Variants in MSRB2 observed in about 807,000 individuals in gnomAD.
MSRB2 encodes the protein methionine-R-sulfoxide reductase B2, mitochondrial.
MSRB2 carries 17 observed loss-of-function variants against 19.0 expected under a neutral mutation model. The ratio of observed to expected loss-of-function variants is 0.89; its 90% CI spans 0.61 to 1.34. The LOEUF (loss-of-function observed/expected upper bound fraction) is 1.34, where lower values mean the gene tolerates loss of function less well. Among genes scored for constraint, MSRB2 ranks in the 40% most tolerant of loss-of-function variants. The pLI, the probability that MSRB2 is intolerant of heterozygous loss-of-function variation, is 0.00. For missense variants in MSRB2, 208 were observed against 237.6 expected, an observed-to-expected ratio of 0.88 and a Z score of 0.82; for synonymous variants, 107 against 99.7, an observed-to-expected ratio of 1.07 and a Z score of -0.44.
At chr10:23,109,441 G>T (rs1053230922) in intron 2 of MSRB2, among the ~76,000 whole-genome samples, 1 of 151,726 alleles carries the variant, frequency 6.6e-6, no homozygotes, top group African/African-American at 2.4e-5. Context: ...TATTCGGGAG[G>T]CTGAGACAGG....
chr10:23,102,792 C>G (rs1221890417), intron 1 of MSRB2, among the ~76,000 whole-genome samples: 3 of 152,188 alleles, frequency 2.0e-5, no homozygotes, highest in African/African-American at 7.2e-5. Context: ...AAATTCTATA[C>G]TTCCTTCTTC....
At chr10:23,103,797 C>T (rs1839954081) in intron 1 of MSRB2, among the ~76,000 whole-genome samples, 1 of 152,186 alleles carries the variant, frequency 6.6e-6, no homozygotes, top group South Asian at 2.1e-4. Context: ...AGCAACTGCT[C>T]CTCTAAAAGT....
intron 1 of MSRB2, 46 bp from the exon 2 acceptor site, chr10:23,104,098 C>G: frequency 6.7e-7 from 1 of 1,494,648 alleles, no homozygotes; most frequent in Non-Finnish European, 9.2e-7. Flanking sequence ...AAAAGTCCAT[C>G]AGGCATTTTT....
intron 3 of MSRB2, among the ~76,000 whole-genome samples, 156 bp downstream of exon 3, chr10:23,110,474 A>G (rs975302684): frequency 4.6e-5 from 7 of 152,310 alleles, no homozygotes; most frequent in African/African-American, 1.4e-4. Context: ...AAGGAGAGCT[A>G]TTCATATAAG....
At chr10:23,101,379 T>C (rs768363078) in intron 1 of MSRB2, among the ~76,000 whole-genome samples, 6 of 152,256 alleles carry the variant, frequency 3.9e-5, no homozygotes, top group Admixed American at 1.3e-4. Flanking sequence ...ATAGTCTATA[T>C]ATATACCATC....
chr10:23,120,866 T>C lies in MSRB2; in HGVS notation c.*4T>C. ...GTTCAAACCAAGGAAACACTGACCATCTTCAAGAGTCCCGTTCCCTTGCCA... is the reference window on the plus strand; with the variant it reads ...GTTCAAACCAAGGAAACACTGACCACCTTCAAGAGTCCCGTTCCCTTGCCA... On this transcript the variant is annotated 3_prime_UTR_variant, in exon 5 of 5. Transcript: ENST00000376510. 1.2e-6 allele frequency: 2 copies of C among 1,610,296 alleles called. No individual in the cohort carries two copies. Among genetic ancestry groups the C allele is most frequent in the Non-Finnish European group, 1.7e-6 (2 of 1,176,990 alleles).
intron 3 of MSRB2, among the ~76,000 whole-genome samples, chr10:23,117,897 A>G (rs1428584605): frequency 6.6e-6 from 1 of 152,220 alleles, no homozygotes; most frequent in Non-Finnish European, 1.5e-5. Flanking sequence ...GCAAAATTCG[A>G]AACTTTTTGA....
chr10:23,117,017 T>C (rs1224255665), intron 3 of MSRB2, among the ~76,000 whole-genome samples: 2 of 152,232 alleles, frequency 1.3e-5, no homozygotes, highest in African/African-American at 4.8e-5. Context: ...TGTCCCATCA[T>C]GACCGGAAAC....
chr10:23,105,513 C>G (rs1433299972), intron 2 of MSRB2, among the ~76,000 whole-genome samples: 1 of 152,158 alleles, frequency 6.6e-6, no homozygotes, highest in Non-Finnish European at 1.5e-5. Context: ...TTTCCACTCT[C>G]TACCTCCATG....
intron 1 of MSRB2, among the ~76,000 whole-genome samples, chr10:23,101,969 C>A (rs1839930371): frequency 6.6e-6 from 1 of 152,260 alleles, no homozygotes; most frequent in East Asian, 1.9e-4. Context: ...TCTTTCATGA[C>A]CTTTACAGTT....
intron 1 of MSRB2, among the ~76,000 whole-genome samples, chr10:23,101,353 G>A (rs1839924552): frequency 2.0e-5 from 3 of 152,108 alleles, no homozygotes; most frequent in Non-Finnish European, 4.4e-5. Flanking sequence ...TCCTTTTTAT[G>A]GCTGAGTAGT....
intron 1 of MSRB2, among the ~76,000 whole-genome samples, chr10:23,099,286 C>A (rs768061900): frequency 3.9e-5 from 6 of 152,202 alleles, no homozygotes; most frequent in African/African-American, 9.6e-5. Flanking sequence ...CATCATTTTG[C>A]TATCAAAGCA....
In MSRB2 at chr10:23,106,943, T is replaced by C. The variant is rs550381511; in HGVS notation, c.219+2699T>C. ...GACAAGATGGAATGGTGAACTGCCA[T>C]TGGTCCAGCAGACCTTGCAATCCCA... On this transcript the variant is annotated intron_variant, in intron 2 of 4. Transcript: ENST00000376510. 2.0e-5 allele frequency among the ~76,000 whole-genome samples: 3 copies of C among 152,356 alleles called. No homozygotes were observed. In the East Asian group the frequency reaches 5.8e-4, roughly 29 times the overall value.
chr10:23,121,818 T>C lies in MSRB2; in HGVS notation c.*956T>C, dbSNP rs911839050. 14 of 152,164 alleles carry C rather than the reference T, an allele frequency of 9.2e-5. No homozygotes were observed. Among genetic ancestry groups the C allele is most frequent in the Non-Finnish European group, 1.2e-4 (8 of 68,024 alleles). 9.4% of individuals were successfully genotyped at this position (152,164 alleles called of 1,614,324 possible). A position where few individuals can be genotyped will look rare whatever the true frequency, so the allele number is the denominator to read the frequency against. Reference sequence around the variant, plus strand: ...AGCTGTGCTCTGGGAGCATATATGGTGATCAATCAGATGCATGACTTTTTT... The same window carrying C: ...AGCTGTGCTCTGGGAGCATATATGGCGATCAATCAGATGCATGACTTTTTT... On this transcript the variant is annotated 3_prime_UTR_variant, in exon 5 of 5. Transcript: ENST00000376510.
chr10:23,118,974 AT>A, intron 3 of MSRB2: 1 of 471,654 alleles, frequency 2.1e-6, no homozygotes, highest in Admixed American at 2.3e-5. Flanking sequence ...CCCTTTTGAC[AT>A]TTTCAACACA....
Position 23,121,235 on chromosome 10 carries a change from G to A in MSRB2, c.*373G>A, listed in dbSNP as rs533896983. 37 of 178,816 alleles carry A rather than the reference G, an allele frequency of 2.1e-4. No homozygotes were observed. The South Asian group carries it at 3.6e-3, about 18-fold the overall frequency. The allele number at this position is 178,816 out of a possible 1,614,324, so 11.1% of individuals were successfully genotyped here. ...AAAGCATGGTGCCAGCATTTGCTCG[G>A]ATTCTGGGGAGACCTGAGGGAGCTT... On this transcript the variant is annotated 3_prime_UTR_variant, in exon 5 of 5. Transcript: ENST00000376510.
In MSRB2 at chr10:23,095,642, A is replaced by G; in HGVS notation, c.34A>G (p.Thr12Ala). 2 of 1,439,868 alleles carry G rather than the reference A, an allele frequency of 1.4e-6. No homozygotes were observed. The highest frequency in any genetic ancestry group is 1.8e-6 in the Non-Finnish European group (2 of 1,103,010). 89.2% of individuals were successfully genotyped at this position (1,439,868 alleles called of 1,614,324 possible). A position where few individuals can be genotyped will look rare whatever the true frequency, so the allele number is the denominator to read the frequency against. Residue 12 changes from threonine to alanine, a missense_variant, in exon 1 of 5, where the codon ACC becomes GCC. Coordinates refer to ENST00000376510, the MANE Select transcript of MSRB2 (RefSeq NM_012228.4). ...GCTCCTCTGGTTGCTCCGGGGCCTG[A>G]CCCTCGGAACTGCGCCTCGGCGGGC... ...ARLLWLLRGL[T>A]LGTAPRRAVR...
chr10:23,118,215 T>TGAGAATG (rs1377420274), intron 3 of MSRB2, among the ~76,000 whole-genome samples: 1 of 152,140 alleles, frequency 6.6e-6, no homozygotes, highest in Admixed American at 6.5e-5. Context: ...CCAAAATGTT[T>TGAGAATG]GAGAATTGCT....
chr10:23,104,139 T>C lies in MSRB2; in HGVS notation c.119-5T>C, dbSNP rs1344682804. The C allele has an allele frequency of 1.2e-5, 20 of 1,605,754 alleles. No homozygotes were observed. The highest frequency in any genetic ancestry group is 1.7e-5 in the Non-Finnish European group (20 of 1,176,688). On this transcript the variant is annotated splice_region_variant and splice_polypyrimidine_tract_variant and intron_variant, in intron 1 of 4. Transcript: ENST00000376510. ...AATTTTTAAAATTCCTGTTTAACAA[T>C]ACAGGGTCTCTTGCAACGTGTGAGC...
Sources: allele counts gnomAD v4.1 joint callset (sites outside exome capture counted in the v4.1 genomes callset), GRCh38; gene constraint gnomAD v4.1.1; transcripts MANE v1.5; gene names NCBI Gene and HGNC (gene_info 2026-07-23, HGNC 2026-07-21).